Variants in PKP4 observed in about 807,000 individuals in gnomAD.
The protein encoded by PKP4 is plakophilin-4.
A neutral mutation model predicts 145.1 loss-of-function variants in PKP4; 90 were observed. The observed-to-expected ratio is 0.62, with a 90% CI of 0.52 to 0.74. The LOEUF (loss-of-function observed/expected upper bound fraction) is 0.74, where lower values mean the gene tolerates loss of function less well. Among genes scored for constraint, PKP4 ranks in the 30% least tolerant of loss-of-function variants. The pLI, the probability that PKP4 is intolerant of heterozygous loss-of-function variation, is 0.00. For synonymous variants in PKP4, 563 were observed against 577.2 expected, an observed-to-expected ratio of 0.98 and a Z score of 0.35; for missense variants, 1,340 against 1,482.7, an observed-to-expected ratio of 0.90 and a Z score of 1.58.
At chr2:158,669,955 C>T (rs1477429330) in intron 17 of PKP4, 40 bp downstream of exon 17, 4 of 1,505,700 alleles carry the variant, frequency 2.7e-6, no homozygotes, top group South Asian at 1.3e-5. Flanking sequence ...TGCTCTTATT[C>T]CTGAGATTGT....
chr2:158,551,112 ACT>A (rs1485689177), intron 2 of PKP4, among the ~76,000 whole-genome samples: 3 of 152,164 alleles, frequency 2.0e-5, no homozygotes, highest in Non-Finnish European at 2.9e-5. Context: ...CTGTAATGTA[ACT>A]CTGATTTGCT....
intron 2 of PKP4, among the ~76,000 whole-genome samples, chr2:158,572,422 A>T (rs2047486519): frequency 6.6e-6 from 1 of 152,260 alleles, no homozygotes; most frequent in African/African-American, 2.4e-5. Flanking sequence ...TAATTCACAA[A>T]AACTAAAACC....
At chr2:158,543,425 CA>C (rs1351780908) in intron 2 of PKP4, among the ~76,000 whole-genome samples, 2 of 152,150 alleles carry the variant, frequency 1.3e-5, no homozygotes, top group Non-Finnish European at 2.9e-5. Context: ...GGGACAGTGA[CA>C]GCAACAGCTG....
chr2:158,679,500 C>T (rs1002052644), intron 21 of PKP4: 10 of 152,194 alleles, frequency 6.6e-5, no homozygotes, highest in Admixed American at 1.3e-4. Context: ...GAGAATTTAG[C>T]TCTGAAATCC....
intron 1 of PKP4, among the ~76,000 whole-genome samples, chr2:158,460,244 C>G (rs1689563727): frequency 6.6e-6 from 1 of 152,050 alleles, no homozygotes; most frequent in Non-Finnish European, 1.5e-5. Flanking sequence ...CTGAATAAAT[C>G]AAATCTAATT....
At chr2:158,574,549 A>AC (rs1188149282) in intron 2 of PKP4, among the ~76,000 whole-genome samples, 2 of 152,128 alleles carry the variant, frequency 1.3e-5, no homozygotes, top group Non-Finnish European at 2.9e-5. Flanking sequence ...TTGATATCCC[A>AC]CTCATACATC....
At chr2:158,459,434 A>G (rs1002492211) in intron 1 of PKP4, among the ~76,000 whole-genome samples, 3 of 119,540 alleles carry the variant, frequency 2.5e-5, no homozygotes, top group African/African-American at 6.4e-5. Flanking sequence ...ATTGAAAACT[A>G]TTAAATAGGA....
intron 17 of PKP4, among the ~76,000 whole-genome samples, chr2:158,672,475 C>G (rs2057647939): frequency 1.3e-5 from 2 of 152,148 alleles, no homozygotes; most frequent in African/African-American, 4.8e-5. Flanking sequence ...GCCTTTTGAG[C>G]CTCATCCTGC....
At chr2:158,481,800 A>G (rs1423899108) in intron 1 of PKP4, among the ~76,000 whole-genome samples, 2 of 152,238 alleles carry the variant, frequency 1.3e-5, no homozygotes, top group African/African-American at 4.8e-5. Context: ...GAATTGACTG[A>G]TAATATATAA....
intron 1 of PKP4, among the ~76,000 whole-genome samples, chr2:158,459,445 G>A (rs894475689): frequency 2.0e-5 from 3 of 151,486 alleles, no homozygotes; most frequent in South Asian, 2.1e-4. Flanking sequence ...TTAAATAGGA[G>A]CCTTTAGTTA....
chr2:158,523,442 TAACA>T (rs1324342163), intron 1 of PKP4, among the ~76,000 whole-genome samples: 1 of 80,006 alleles, frequency 1.2e-5, no homozygotes, highest in African/African-American at 4.4e-5. Flanking sequence ...GAAGGAAAAC[TAACA>T]AACAGAAAGG....
At chr2:158,636,144 G>A (rs2053790747) in intron 9 of PKP4, among the ~76,000 whole-genome samples, 1 of 151,896 alleles carries the variant, frequency 6.6e-6, no homozygotes, top group Admixed American at 6.6e-5. Flanking sequence ...GTGTATTCAC[G>A]TTTCCATCTC....
At chr2:158,466,692 G>A (rs565514086) in intron 1 of PKP4, among the ~76,000 whole-genome samples, 12 of 152,136 alleles carry the variant, frequency 7.9e-5, no homozygotes, top group Non-Finnish European at 1.3e-4. Flanking sequence ...GTGACAGAGC[G>A]AAACTCCATT....
chr2:158,520,515 T>A (rs1042754367), intron 1 of PKP4, among the ~76,000 whole-genome samples: 1 of 152,256 alleles, frequency 6.6e-6, no homozygotes, highest in Non-Finnish European at 1.5e-5. Context: ...TTATTTGATT[T>A]ATAAACTTCG....
chr2:158,535,436 G>T (rs2043949475), intron 2 of PKP4, among the ~76,000 whole-genome samples: 2 of 152,108 alleles, frequency 1.3e-5, no homozygotes, highest in African/African-American at 4.8e-5. Context: ...TAGAGCTGGG[G>T]TCTTGCTCTG....
At chr2:158,577,437 G>C in intron 3 of PKP4, 54 bp downstream of exon 3, 1 of 1,133,180 alleles carries the variant, frequency 8.8e-7, no homozygotes, top group Non-Finnish European at 1.3e-6. Flanking sequence ...TGCCTTACTA[G>C]GTTGTTCTCT....
At chr2:158,629,786 C>T (rs957161031) in intron 7 of PKP4, among the ~76,000 whole-genome samples, 1 of 152,114 alleles carries the variant, frequency 6.6e-6, no homozygotes, top group African/African-American at 2.4e-5. Context: ...TCTCGGCTCA[C>T]TGCAACCTCC....
At chr2:158,484,746 A>C (rs934448783) in intron 1 of PKP4, among the ~76,000 whole-genome samples, 2 of 152,218 alleles carry the variant, frequency 1.3e-5, no homozygotes, top group Non-Finnish European at 2.9e-5. Flanking sequence ...GTTGTTAGCC[A>C]TGAAACTATT....
At chr2:158,518,086 CAAT>C (rs2042074002) in intron 1 of PKP4, among the ~76,000 whole-genome samples, 1 of 152,190 alleles carries the variant, frequency 6.6e-6, no homozygotes, top group African/African-American at 2.4e-5. Context: ...GCTCAAACAA[CAAT>C]GAGTTTTTAA....
Sources: allele counts gnomAD v4.1 joint callset (sites outside exome capture counted in the v4.1 genomes callset), GRCh38; gene constraint gnomAD v4.1.1; transcripts MANE v1.5; gene names NCBI Gene and HGNC (gene_info 2026-07-23, HGNC 2026-07-21).